CEACAM3: variants seen among roughly 807,000 people sequenced by gnomAD.
CEACAM3 encodes the protein CEA cell adhesion molecule 3, also known as cell adhesion molecule CEACAM3.
A neutral mutation model predicts 30.1 loss-of-function variants in CEACAM3; 32 were observed. The ratio of observed to expected loss-of-function variants is 1.06; its 90% CI spans 0.80 to 1.43. CEACAM3 has a LOEUF of 1.43. Ranked by LOEUF, CEACAM3 falls within the 40% of genes most tolerant of loss-of-function variation. The pLI, the probability that CEACAM3 is intolerant of heterozygous loss-of-function variation, is 0.00. For missense variants in CEACAM3, 290 were observed against 316.3 expected, an observed-to-expected ratio of 0.92 and a Z score of 0.63; for synonymous variants, 134 against 127.2, an observed-to-expected ratio of 1.05 and a Z score of -0.36.
chr19:41,808,711 C>T, intron 2 of CEACAM3, 102 bp from the exon 3 acceptor site: 1 of 862,194 alleles, frequency 1.2e-6, no homozygotes, highest in Non-Finnish European at 1.9e-6. Flanking sequence ...GGCCCCATGG[C>T]ATCTCCTTCT....
intron 2 of CEACAM3, among the ~76,000 whole-genome samples, chr19:41,801,578 G>A (rs1555825987): frequency 6.6e-6 from 1 of 152,226 alleles, no homozygotes. Flanking sequence ...ACTTAAATCA[G>A]CCTCCCTGGA....
At chr19:41,806,798 T>C (rs1463841803) in intron 2 of CEACAM3, among the ~76,000 whole-genome samples, 1 of 152,174 alleles carries the variant, frequency 6.6e-6, no homozygotes. Context: ...ACCATTCTCC[T>C]GCCTCAGCCT....
At chr19:41,798,309 A>T (rs1431092125) in intron 2 of CEACAM3, among the ~76,000 whole-genome samples, 1 of 152,116 alleles carries the variant, frequency 6.6e-6, no homozygotes, top group Non-Finnish European at 1.5e-5. Context: ...TCTCAGAGAG[A>T]AGCTCAACTC....
chr19:41,810,697 G>A, intron 5 of CEACAM3, 135 bp from the exon 6 acceptor site: 1 of 840,538 alleles, frequency 1.2e-6, no homozygotes, highest in Non-Finnish European at 2.0e-6. Context: ...CACACTGGGA[G>A]GCTGAGCTCA....
rs782319908 is a variant in CEACAM3, at chr19:41,810,308, T to G, written c.596-15T>G. ...CTCCTCCCACCCTGCTGCTCACTCC[T>G]GTCTCTGTTTCCAGGCCGTGGTCCC... On this transcript the variant is annotated splice_polypyrimidine_tract_variant and intron_variant, in intron 4 of 6. Coordinates refer to ENST00000357396, the MANE Select transcript of CEACAM3 (RefSeq NM_001815.5). 6.2e-7 allele frequency: 1 copy of G among 1,603,250 alleles called. No homozygotes were observed. Among genetic ancestry groups the G allele is most frequent in the Admixed American group, 1.7e-5 (1 of 57,856 alleles).
At chr19:41,811,051 A>G in intron 6 of CEACAM3, 121 bp from the exon 7 acceptor site, 2 of 1,282,036 alleles carry the variant, frequency 1.6e-6, no homozygotes, top group Middle Eastern at 1.9e-4. Context: ...GGGAGCAGGA[A>G]CCCCCTGAGC....
At chr19:41,806,338 T>C (rs2073199892) in intron 2 of CEACAM3, among the ~76,000 whole-genome samples, 1 of 151,816 alleles carries the variant, frequency 6.6e-6, no homozygotes, top group Non-Finnish European at 1.5e-5. Context: ...CCTTCTACTA[T>C]ACCTTTTACT....
Position 41,797,935 on chromosome 19 carries a change from G to T in CEACAM3, c.411G>T (p.Gln137His). The T allele has an allele frequency of 6.2e-7, 1 of 1,604,816 alleles. No individual in the cohort carries two copies. The highest frequency in any genetic ancestry group is 8.5e-7 in the Non-Finnish European group (1 of 1,175,180). ...SDLVNEEATGQFHVYQENAPG... is the reference protein window; with the variant it reads ...SDLVNEEATGHFHVYQENAPG... ...TTGTGAATGAAGAAGCAACTGGACA[G>T]TTCCATGTATACCGTGAGTATTTCC... The change falls in exon 2 of 7, where the codon CAG becomes CAT. Residue 137 changes from glutamine to histidine, a missense_variant. Coordinates refer to ENST00000357396, the MANE Select transcript of CEACAM3 (RefSeq NM_001815.5).
intron 2 of CEACAM3, among the ~76,000 whole-genome samples, chr19:41,801,494 A>T (rs2054114684): frequency 6.6e-6 from 1 of 152,244 alleles, no homozygotes; most frequent in Non-Finnish European, 1.5e-5. Flanking sequence ...ATTCACTGAG[A>T]CCACGATATT....
chr19:41,806,361 C>T (rs1229317797), intron 2 of CEACAM3, among the ~76,000 whole-genome samples: 17 of 152,188 alleles, frequency 1.1e-4, no homozygotes. Context: ...CTCACTGTCT[C>T]ATGTCAGTCA....
At position 41,808,930 on chromosome 19, in the gene CEACAM3, G is replaced by A; in HGVS notation, c.542G>A (p.Arg181Lys). ...VCFLLLAKTG[R>K]TSIQRDLKEQ... ...TTCCTGCTCCTTGCCAAAACTGGAA[G>A]GTACCACAGCTTTTTCCCATCCTTC... Residue 181 changes from arginine (R) to lysine (K), a missense_variant and splice_region_variant, in exon 3 of 7, where the codon AGA (arginine) becomes AAA (lysine). Coordinates refer to ENST00000357396, the MANE Select transcript of CEACAM3 (RefSeq NM_001815.5). The A allele has an allele frequency of 6.4e-7, 1 of 1,572,818 alleles. No homozygotes were observed. Among genetic ancestry groups the A allele is most frequent in the Non-Finnish European group, 8.6e-7 (1 of 1,160,006 alleles).
At chr19:41,808,023 G>A (rs1335472035) in intron 2 of CEACAM3, among the ~76,000 whole-genome samples, 1 of 152,198 alleles carries the variant, frequency 6.6e-6, no homozygotes, top group Non-Finnish European at 1.5e-5. Flanking sequence ...GACAATCACA[G>A]TCTCTGCTAA....
At chr19:41,807,900 C>T (rs1404426945) in intron 2 of CEACAM3, among the ~76,000 whole-genome samples, 3 of 152,184 alleles carry the variant, frequency 2.0e-5, no homozygotes, top group African/African-American at 7.2e-5. Flanking sequence ...CAGTGGAATG[C>T]TCCAGCAACA....
intron 2 of CEACAM3, among the ~76,000 whole-genome samples, chr19:41,798,986 C>CGTT (rs1251946292): frequency 2.0e-5 from 3 of 152,174 alleles, no homozygotes; most frequent in African/African-American, 7.2e-5. Flanking sequence ...GGACGGCTGG[C>CGTT]GTTATTATTA....
intron 3 of CEACAM3, chr19:41,809,335 G>A (rs11880522): frequency 0.019 from 3,390 of 180,768 alleles, 134 homozygotes; most frequent in African/African-American, 0.074. Flanking sequence ...CCTGGGCACC[G>A]TCACACAATG....
intron 5 of CEACAM3, among the ~76,000 whole-genome samples, 162 bp downstream of exon 5, chr19:41,810,516 G>A (rs2073240885): frequency 6.6e-6 from 1 of 151,812 alleles, no homozygotes; most frequent in Non-Finnish European, 1.5e-5. Flanking sequence ...CTCCCTACAG[G>A]GTCAGGACCA....
intron 1 of CEACAM3, chr19:41,797,139 G>A (rs1420002093): frequency 3.4e-5 from 8 of 235,816 alleles, no homozygotes; most frequent in South Asian, 2.5e-4. Flanking sequence ...AGGCACTGGC[G>A]TACAACAAAT....
At chr19:41,810,279 G>T in intron 4 of CEACAM3, 44 bp from the exon 5 acceptor site, 1 of 1,589,656 alleles carries the variant, frequency 6.3e-7, no homozygotes, top group Non-Finnish European at 8.6e-7. Flanking sequence ...GAGGGGATAA[G>T]GCTCTCCTCC....
chr19:41,797,451 G>A lies in CEACAM3; in HGVS notation c.65-138G>A, dbSNP rs181010839. 1.8e-4 allele frequency: 200 copies of A among 1,131,116 alleles called. No individual in the cohort carries two copies. The African/African-American group carries it at 2.2e-3, about 13-fold the overall frequency. The allele number at this position is 1,131,116 out of a possible 1,614,324, so 70.1% of individuals were successfully genotyped here. On this transcript the variant is annotated intron_variant, in intron 1 of 6. Coordinates refer to ENST00000357396, the MANE Select transcript of CEACAM3 (RefSeq NM_001815.5). ...GAGGTGCTGAAGAAAGAAAGGTCAC[G>A]TTACTGACCTTGACCAAGTGGGACA...
Sources: gnomAD v4.1 joint callset for allele counts (sites outside exome capture counted in the v4.1 genomes callset) on GRCh38, gnomAD v4.1.1 for gene constraint, MANE v1.5 for transcripts, NCBI Gene and HGNC (gene_info 2026-07-23, HGNC 2026-07-21) for gene names.